Variants in ACO2 observed in about 807,000 individuals in gnomAD.
ACO2 encodes the protein aconitate hydratase, mitochondrial.
A neutral mutation model predicts 84.5 loss-of-function variants in ACO2; 31 were observed. That is an observed-to-expected ratio of 0.37 (90% CI 0.28 to 0.50). The LOEUF is 0.50. ACO2 is among the 20% of genes least tolerant of loss of function. The pLI is 0.97. For missense variants in ACO2, 685 were observed against 1,029.3 expected, an observed-to-expected ratio of 0.67 and a Z score of 4.58; for synonymous variants, 414 against 412.7, an observed-to-expected ratio of 1.00 and a Z score of -0.04.
At chr22:41,527,872 C>T (rs749503783) in intron 16 of ACO2, 29 bp from the exon 17 acceptor site, 5 of 1,613,990 alleles carry the variant, frequency 3.1e-6, no homozygotes, top group Non-Finnish European at 4.2e-6. Context: ...AGTCAGGCCC[C>T]CGATGACCGA....
rs1211102381 is a variant in ACO2 at position 41,481,327 on chromosome 22, G to T, written c.36+12145G>T. 2.0e-5 allele frequency among the ~76,000 whole-genome samples: 3 copies of T among 152,312 alleles called. No homozygotes were observed. The South Asian group carries it at 6.2e-4, about 32-fold the overall frequency. ...GTGCTTGGTGACTTCTCTGTCAGTT[G>T]TTAAAGCAACTGTCTCAAGAGACCT... On this transcript the variant is annotated intron_variant, in intron 1 of 17. Transcript: ENST00000216254.
intron 2 of ACO2, among the ~76,000 whole-genome samples, chr22:41,506,287 C>T (rs558834828): frequency 6.6e-6 from 1 of 151,576 alleles, no homozygotes; most frequent in South Asian, 2.1e-4. Context: ...GAGTCTTGCT[C>T]TATTGCCCAG....
chr22:41,521,056 A>G (rs760810), intron 9 of ACO2, among the ~76,000 whole-genome samples: 7,641 of 144,822 alleles, frequency 0.053, 308 homozygotes, highest in Non-Finnish European at 0.088. Context: ...AAAAAAAAAA[A>G]AAAGAAAGAA....
chr22:41,526,095 G>A, intron 14 of ACO2, 167 bp from the exon 15 acceptor site: 1 of 607,228 alleles, frequency 1.6e-6, no homozygotes, highest in East Asian at 2.8e-5. Context: ...TGTGGCCTTA[G>A]GGTGGAAGCA....
chr22:41,469,217 G>C, intron 1 of ACO2, 35 bp downstream of exon 1: 1 of 1,601,708 alleles, frequency 6.2e-7, no homozygotes, highest in Non-Finnish European at 8.5e-7. Flanking sequence ...GTTCACGGGG[G>C]CGGGGTGCCT....
intron 1 of ACO2, among the ~76,000 whole-genome samples, chr22:41,474,791 CAG>C (rs1405709617): frequency 6.7e-6 from 1 of 149,304 alleles, no homozygotes; most frequent in East Asian, 2.0e-4. Context: ...TTAGTAGAGA[CAG>C]GGTTTCACTA....
chr22:41,516,754 ACT>A (rs1359140769), intron 6 of ACO2, among the ~76,000 whole-genome samples: 3 of 151,836 alleles, frequency 2.0e-5, no homozygotes, highest in Admixed American at 6.6e-5. Flanking sequence ...ACAGAGTCTA[ACT>A]CTGTCGCCCA....
intron 2 of ACO2, among the ~76,000 whole-genome samples, chr22:41,505,669 A>G (rs1379412683): frequency 6.6e-6 from 1 of 152,146 alleles, no homozygotes; most frequent in African/African-American, 2.4e-5. Context: ...AATGAGTTTT[A>G]TACATGAAAA....
intron 1 of ACO2, among the ~76,000 whole-genome samples, chr22:41,471,382 C>A (rs1003693413): frequency 1.3e-5 from 2 of 152,180 alleles, no homozygotes; most frequent in African/African-American, 4.8e-5. Flanking sequence ...CCAACTAACA[C>A]GGTTTCTCTG....
intron 11 of ACO2, 25 bp from the exon 12 acceptor site, chr22:41,523,805 A>C (rs1401867846): frequency 3.1e-6 from 5 of 1,598,102 alleles, no homozygotes; most frequent in Middle Eastern, 2.3e-4. Context: ...AGATATCCCT[A>C]ACCCTGATCC....
In ACO2 at chr22:41,528,589, C is replaced by A. The variant is rs1362831618; in HGVS notation, c.2319C>A (p.Asn773Lys). The change falls in exon 18 of 18, where the codon AAC (asparagine) becomes AAA (lysine). Residue 773 changes from asparagine to lysine, a missense_variant. This residue lies in a region of ACO2 where 174 missense variants were observed against 236.6 expected (regional missense o/e 0.74). Coordinates refer to ENST00000216254, the MANE Select transcript of ACO2 (RefSeq NM_001098.3). Reference sequence around the variant, plus strand: ...GGTTCCGCGCTGGCAGTGCCCTCAACAGAATGAAGGAACTGCAACAGTGAG... The same window carrying A: ...GGTTCCGCGCTGGCAGTGCCCTCAAAAGAATGAAGGAACTGCAACAGTGAG... ...IEWFRAGSALNRMKELQQ is the reference protein window; with the variant it reads ...IEWFRAGSALKRMKELQQ 1.2e-6 allele frequency: 2 copies of A among 1,612,160 alleles called. No individual in the cohort carries two copies. The highest frequency in any genetic ancestry group is 2.7e-5 in the African/African-American group (2 of 74,908).
At chr22:41,487,992 G>GT (rs1263244417) in intron 1 of ACO2, among the ~76,000 whole-genome samples, 1 of 152,216 alleles carries the variant, frequency 6.6e-6, no homozygotes, top group Middle Eastern at 3.4e-3. Flanking sequence ...TCTCTAGCCA[G>GT]TTTTTTTGAA....
intron 2 of ACO2, among the ~76,000 whole-genome samples, chr22:41,506,354 G>A (rs957742806): frequency 2.0e-5 from 3 of 151,892 alleles, no homozygotes; most frequent in East Asian, 1.9e-4. Context: ...CCGGGTTCAC[G>A]CCATTCTCCT....
In ACO2 at chr22:41,528,031, C is replaced by A; in HGVS notation, c.2208+9C>A. On this transcript the variant is annotated intron_variant, in intron 17 of 17. Coordinates refer to ENST00000216254, the MANE Select transcript of ACO2 (RefSeq NM_001098.3). ...ACTTCACCCCTGGCAAGGTTAGGGG[C>A]CCGGGTCCCCCTGAGGTGGTGGGGT... The A allele has an allele frequency of 6.2e-7, 1 of 1,614,054 alleles. No homozygotes were observed. The highest frequency in any genetic ancestry group is 8.5e-7 in the Non-Finnish European group (1 of 1,180,002).
At chr22:41,494,864 G>A (rs775690667) in intron 1 of ACO2, among the ~76,000 whole-genome samples, 1 of 151,888 alleles carries the variant, frequency 6.6e-6, no homozygotes, top group African/African-American at 2.4e-5. Flanking sequence ...CTCCCGAGTA[G>A]CTGGGATTAC....
chr22:41,487,037 C>T (rs1438383014), intron 1 of ACO2, among the ~76,000 whole-genome samples: 1 of 152,094 alleles, frequency 6.6e-6, no homozygotes, highest in Admixed American at 6.6e-5. Flanking sequence ...GCGCCCACCA[C>T]TACGTCCGGC....
At chr22:41,523,433 C>T (rs1185980151) in intron 11 of ACO2, among the ~76,000 whole-genome samples, 155 bp downstream of exon 11, 1 of 152,246 alleles carries the variant, frequency 6.6e-6, no homozygotes, top group East Asian at 1.9e-4. Context: ...GGCAGACATG[C>T]CTGGGAAGAG....
intron 1 of ACO2, among the ~76,000 whole-genome samples, chr22:41,479,326 AGTCACAGAACTAG>A (rs1261769194): frequency 6.6e-6 from 1 of 152,202 alleles, no homozygotes; most frequent in African/African-American, 2.4e-5. Context: ...CCTCTGTGCC[AGTCACAGAACTAG>A]GTCTTGTTTT....
Position 41,499,817 on chromosome 22 carries a change from T to TCCATTATGA in ACO2, c.131_139dup (p.His44_Asp46dup), listed in dbSNP as rs1427129177. ...AGCCACTTTGAGCCCAACGAGTACA[T>TCCATTATGA]CCATTATGACCTGCTAGAGAAGAAC... On this transcript the variant is annotated inframe_insertion, in exon 2 of 18. Coordinates refer to ENST00000216254, the MANE Select transcript of ACO2 (RefSeq NM_001098.3). 6.2e-7 allele frequency: 1 copy of TCCATTATGA among 1,614,002 alleles called. No individual in the cohort carries two copies. The highest frequency in any genetic ancestry group is 8.5e-7 in the Non-Finnish European group (1 of 1,180,040).
Sources: gnomAD v4.1 joint callset for allele counts (sites outside exome capture counted in the v4.1 genomes callset) on GRCh38, gnomAD v4.1.1 for gene constraint, gnomAD v4.1.1 regional missense constraint, MANE v1.5 for transcripts, NCBI Gene and HGNC (gene_info 2026-07-23, HGNC 2026-07-21) for gene names.